SMIM35: variants seen among roughly 807,000 people sequenced by gnomAD.
SMIM35 encodes TMPRSS4 antisense RNA 1 (non-protein coding).
At chr11:118,011,193 C>T (rs2058148678) in intron 4 of SMIM35, among the ~76,000 whole-genome samples, 1 of 152,154 alleles carries the variant, frequency 6.6e-6, no homozygotes, top group African/African-American at 2.4e-5. Flanking sequence ...GAAATACCCT[C>T]CGTGCTCCCA....
At chr11:118,078,144 C>A (rs1944838999) in intron 1 of SMIM35, among the ~76,000 whole-genome samples, 1 of 151,860 alleles carries the variant, frequency 6.6e-6, no homozygotes, top group African/African-American at 2.4e-5. Context: ...CACCCTCTCT[C>A]CTCCTCCTCT....
At chr11:118,013,723 G>T in intron 4 of SMIM35, 25 bp downstream of exon 4, 1 of 398,696 alleles carries the variant, frequency 2.5e-6, no homozygotes, top group South Asian at 1.3e-4. Context: ...AGGCTCACTC[G>T]GCAGCTCTCC....
chr11:118,023,770 C>T (rs1234905365), intron 1 of SMIM35, among the ~76,000 whole-genome samples: 3 of 152,038 alleles, frequency 2.0e-5, no homozygotes, highest in African/African-American at 4.8e-5. Context: ...TGGTGGCTCA[C>T]GCCTGTAATC....
chr11:118,071,094 T>C (rs141432716), intron 1 of SMIM35, among the ~76,000 whole-genome samples: 125 of 152,350 alleles, frequency 8.2e-4, no homozygotes, highest in Non-Finnish European at 1.4e-3. Context: ...GCACATTATA[T>C]GGTAGCTATT....
intron 1 of SMIM35, among the ~76,000 whole-genome samples, chr11:118,021,731 T>A (rs1292643450): frequency 6.6e-6 from 1 of 152,074 alleles, no homozygotes. Context: ...GAGGGACAAC[T>A]CATCAAGAGG....
At chr11:118,077,001 C>T (rs1012181977) in intron 1 of SMIM35, 4 of 398,730 alleles carry the variant, frequency 1.0e-5, no homozygotes, top group South Asian at 4.8e-5. Flanking sequence ...TGTCAGGTTA[C>T]AAGACACATA....
intron 4 of SMIM35, among the ~76,000 whole-genome samples, chr11:118,012,160 A>G (rs773404231): frequency 6.6e-6 from 1 of 152,204 alleles, no homozygotes; most frequent in Non-Finnish European, 1.5e-5. Context: ...GCTAGCAGAG[A>G]GGCTGGCAGC....
intron 1 of SMIM35, among the ~76,000 whole-genome samples, chr11:118,081,385 C>T (rs1945118305): frequency 6.6e-6 from 1 of 152,202 alleles, no homozygotes. Context: ...CGTCTAACGC[C>T]ACCTCCCAGC....
intron 1 of SMIM35, among the ~76,000 whole-genome samples, chr11:118,050,047 A>T (rs1648821035): frequency 1.3e-5 from 2 of 152,190 alleles, no homozygotes; most frequent in South Asian, 4.1e-4. Context: ...GAAGTCTCTC[A>T]GTACTGGAAT....
At chr11:118,027,619 C>T (rs887100818) in intron 1 of SMIM35, among the ~76,000 whole-genome samples, 1 of 152,202 alleles carries the variant, frequency 6.6e-6, no homozygotes, top group Non-Finnish European at 1.5e-5. Flanking sequence ...TTAGAGCAGG[C>T]TATGTGGAGC....
intron 3 of SMIM35, among the ~76,000 whole-genome samples, chr11:118,014,123 T>C (rs145886407): frequency 1.3e-5 from 2 of 152,340 alleles, no homozygotes; most frequent in East Asian, 1.9e-4. Context: ...TTTTCTGATA[T>C]GCTCTTCTTT....
At chr11:118,052,600 A>G (rs1303130016) in intron 1 of SMIM35, among the ~76,000 whole-genome samples, 5 of 152,000 alleles carry the variant, frequency 3.3e-5, no homozygotes, top group East Asian at 1.9e-4. Context: ...TCCCACATAG[A>G]ATGCTTCTCT....
intron 1 of SMIM35, among the ~76,000 whole-genome samples, chr11:118,063,672 A>C (rs904970625): frequency 3.3e-5 from 5 of 152,060 alleles, no homozygotes; most frequent in Admixed American, 2.6e-4. Flanking sequence ...AACTTAGGGG[A>C]GGGGAGAGGG....
chr11:118,035,881 G>GTGGGTGTTTGTTTGTTTGTTTGTTTGTT (rs150849912), intron 1 of SMIM35, among the ~76,000 whole-genome samples: 16 of 152,066 alleles, frequency 1.1e-4, no homozygotes, highest in East Asian at 3.9e-4. Flanking sequence ...CTAATATGTG[G>GTGGGTGTTTGTTTGTTTGTTTGTTTGTT]TGTTTGTTTG....
chr11:118,016,441 GAGGCTGAC>G (rs1298504723), intron 1 of SMIM35, among the ~76,000 whole-genome samples: 4 of 152,234 alleles, frequency 2.6e-5, no homozygotes, highest in Non-Finnish European at 5.9e-5. Flanking sequence ...TTCTGAGGAA[GAGGCTGAC>G]AGTGGGGGCA....
intron 4 of SMIM35, among the ~76,000 whole-genome samples, chr11:118,012,140 T>C (rs1001769066): frequency 2.0e-5 from 3 of 152,230 alleles, no homozygotes; most frequent in Non-Finnish European, 4.4e-5. Flanking sequence ...CCTGCATCTG[T>C]TGCTGGGCTG....
chr11:118,081,751 G>A (rs367845986), intron 1 of SMIM35, among the ~76,000 whole-genome samples: 2 of 152,028 alleles, frequency 1.3e-5, no homozygotes, highest in Non-Finnish European at 2.9e-5. Context: ...AAATCTGTAT[G>A]CATTCATTCA....
At chr11:118,077,285 G>T (rs780014835) in intron 1 of SMIM35, 2 of 1,601,386 alleles carry the variant, frequency 1.2e-6, no homozygotes, top group South Asian at 2.3e-5. Context: ...GGGAGACCGG[G>T]AGGATCACAG....
Position 118,027,984 on chromosome 11 carries a change from G to A in SMIM35, c.8-12175C>T, listed in dbSNP as rs75877683. Among the ~76,000 whole-genome samples the A allele has an allele frequency of 8.3e-3, 1,270 of 152,310 alleles. 10 individuals are homozygous for A. Among genetic ancestry groups the A allele is most frequent in the South Asian group, 0.025 (121 of 4,828 alleles). ...ATAATTGTGATCTTCTATTAGTCCT[G>A]ATCCCAGAAAGCAGCATGGGGCTCT... On this transcript the variant is annotated intron_variant, in intron 1 of 4. Coordinates refer to ENST00000689828, the MANE Select transcript of SMIM35 (RefSeq NM_001394165.1).
Sources: allele counts gnomAD v4.1 joint callset (sites outside exome capture counted in the v4.1 genomes callset), GRCh38; gene constraint gnomAD v4.1.1; transcripts MANE v1.5; gene names NCBI Gene and HGNC (gene_info 2026-07-23, HGNC 2026-07-21).